TOPBP1: variants seen among roughly 807,000 people sequenced by gnomAD.
TOPBP1 encodes DNA topoisomerase 2-binding protein 1.
In TOPBP1, 28 loss-of-function variants were observed where a neutral mutation model predicts 167.7. The ratio of observed to expected loss-of-function variants is 0.17; its 90% confidence interval spans 0.12 to 0.23. The LOEUF (loss-of-function observed/expected upper bound fraction) is 0.23. Among genes scored for constraint, TOPBP1 ranks in the 10% least tolerant of loss-of-function variants. TOPBP1 has a pLI of 1.00. For missense variants in TOPBP1, 1,554 were observed against 1,809.6 expected, an observed-to-expected ratio of 0.86 and a Z score of 2.56; for synonymous variants, 598 against 611.4, an observed-to-expected ratio of 0.98 and a Z score of 0.32.
At chr3:133,631,447 T>G (rs1016358359) in intron 14 of TOPBP1, among the ~76,000 whole-genome samples, 4 of 152,154 alleles carry the variant, frequency 2.6e-5, no homozygotes, top group Non-Finnish European at 5.9e-5. Context: ...CAATTATACT[T>G]TTCAGATTTT....
Position 133,659,047 on chromosome 3 carries a change from A to T in TOPBP1, c.188T>A (p.Phe63Tyr), listed in dbSNP as rs765628531. 13 of 1,600,612 alleles carry T rather than the reference A, an allele frequency of 8.1e-6. No individual in the cohort carries two copies. In the African/African-American group the frequency reaches 1.3e-4, roughly 16 times the overall value. ...GAGGTGATCAAAGACAACGCCACTAAAAGGGTCACAGATATAAAGTGATCT... is the reference window on the plus strand; with the variant it reads ...GAGGTGATCAAAGACAACGCCACTATAAGGGTCACAGATATAAAGTGATCT... ...NDRSLYICDP[F>Y]SGVVFDHLKK... The change falls in exon 3 of 28, where the codon TTT becomes TAT. Residue 63 changes from phenylalanine (F) to tyrosine (Y), a missense_variant. Phe to Tyr is a conservative substitution (Grantham distance 22). Around this residue, in one of 3 missense-constraint regions of TOPBP1, gnomAD observed 1,197 missense variants for 1,351.5 expected, o/e 0.89. Transcript: ENST00000260810.
At chr3:133,612,211 T>C (rs552574465) in intron 24 of TOPBP1, among the ~76,000 whole-genome samples, 178 bp downstream of exon 24, 102 of 152,146 alleles carry the variant, frequency 6.7e-4, no homozygotes, top group African/African-American at 2.3e-3. Flanking sequence ...CTGGCTAATC[T>C]TTGTAGTTTT....
Position 133,611,254 on chromosome 3 carries a change from A to G in TOPBP1, c.4036-113T>C, listed in dbSNP as rs115603618. On this transcript the variant is annotated intron_variant, in intron 24 of 27. Transcript: ENST00000260810. ...AATAACTGTTAAAGCTATACATTTA[A>G]TTGTTACAAATACAGACAGTACTAA... The G allele has an allele frequency of 1.3e-3, 1,205 of 892,758 alleles. 9 individuals are homozygous for G. In the African/African-American group the frequency reaches 0.018, roughly 13 times the overall value. The allele number at this position is 892,758 out of a possible 1,614,324, so 55.3% of individuals were successfully genotyped here. A position where few individuals can be genotyped will look rare whatever the true frequency, so the allele number is the denominator to read the frequency against.
chr3:133,656,972 A>G, intron 4 of TOPBP1, 115 bp from the exon 5 acceptor site: 3 of 924,162 alleles, frequency 3.2e-6, no homozygotes, highest in Admixed American at 3.1e-5. Context: ...TAAGTGTTAC[A>G]TAACATTATA....
chr3:133,650,746 T>C (rs1166623862), intron 8 of TOPBP1, among the ~76,000 whole-genome samples: 1 of 152,214 alleles, frequency 6.6e-6, no homozygotes, highest in Non-Finnish European at 1.5e-5. Flanking sequence ...TGGAATCATA[T>C]ACTTTCTATA....
chr3:133,622,183 A>ATTTT (rs1435047690), intron 19 of TOPBP1, among the ~76,000 whole-genome samples: 6 of 79,572 alleles, frequency 7.5e-5, no homozygotes, highest in African/African-American at 1.1e-4. Context: ...TCCACCATTT[A>ATTTT]TGTTTTTTTT....
intron 14 of TOPBP1, among the ~76,000 whole-genome samples, chr3:133,635,139 A>G (rs1175299519): frequency 6.6e-6 from 1 of 152,204 alleles, no homozygotes; most frequent in Non-Finnish European, 1.5e-5. Context: ...AACTTTTTGT[A>G]GATGTGGGGT....
chr3:133,619,649 C>A (rs547586424), intron 20 of TOPBP1, among the ~76,000 whole-genome samples: 42 of 152,302 alleles, frequency 2.8e-4, no homozygotes, highest in Admixed American at 4.6e-4. Context: ...TATATATGTA[C>A]TTATTGTTTA....
chr3:133,648,074 A>G (rs1314173114), intron 10 of TOPBP1, among the ~76,000 whole-genome samples: 1 of 152,232 alleles, frequency 6.6e-6, no homozygotes, highest in Non-Finnish European at 1.5e-5. Context: ...AAAAACCAAA[A>G]GGAAGACTAT....
intron 23 of TOPBP1, among the ~76,000 whole-genome samples, chr3:133,612,802 A>G (rs1934725265): frequency 6.6e-6 from 1 of 152,072 alleles, no homozygotes; most frequent in African/African-American, 2.4e-5. Flanking sequence ...TATACTAGCT[A>G]CCTATATTCT....
chr3:133,657,520 A>G (rs1388592603), intron 4 of TOPBP1, among the ~76,000 whole-genome samples: 6 of 151,878 alleles, frequency 4.0e-5, no homozygotes, highest in African/African-American at 1.5e-4. Flanking sequence ...CTGTCCACCT[A>G]TAGTGGAAAA....
intron 4 of TOPBP1, among the ~76,000 whole-genome samples, chr3:133,657,247 G>A (rs781269511): frequency 2.6e-5 from 4 of 151,680 alleles, no homozygotes; most frequent in Non-Finnish European, 5.9e-5. Flanking sequence ...GGGAGGCTGA[G>A]GCATGAAGAT....
rs901651096 is a variant in TOPBP1, at chr3:133,612,766, A to C, written c.3872-214T>G. ...GAACATTTTAAATACAAAAGTAAAT[A>C]AAATAGTAAAATGAACCCCCACACA... On this transcript the variant is annotated intron_variant, in intron 23 of 27. Coordinates refer to ENST00000260810, the MANE Select transcript of TOPBP1 (RefSeq NM_007027.4). Among the ~76,000 whole-genome samples the C allele has an allele frequency of 4.6e-5, 7 of 152,096 alleles. 1 individual carries two copies. Among genetic ancestry groups the C allele is most frequent in the Non-Finnish European group, 7.4e-5 (5 of 68,016 alleles).
chr3:133,645,326 G>C (rs1164802002), intron 10 of TOPBP1, among the ~76,000 whole-genome samples: 4 of 152,100 alleles, frequency 2.6e-5, no homozygotes, highest in Admixed American at 6.5e-5. Context: ...CAGTAAGTCA[G>C]GAGAGCTGGG....
chr3:133,632,102 T>C (rs1483082104), intron 14 of TOPBP1, among the ~76,000 whole-genome samples: 18 of 152,048 alleles, frequency 1.2e-4, no homozygotes, highest in Admixed American at 1.2e-3. Flanking sequence ...ACTGAGTCAA[T>C]TAAACCTCTT....
chr3:133,640,101 C>T lies in TOPBP1; in HGVS notation c.2091G>A (p.Leu697=). 6.2e-7 allele frequency: 1 copy of T among 1,613,798 alleles called. No individual in the cohort carries two copies. Reference sequence around the variant, plus strand: ...CATATTTAGAGCCACCACGTTCTTTCAGTATAAGATGAGTACTGGCAAACA... The same window carrying T: ...CATATTTAGAGCCACCACGTTCTTTTAGTATAAGATGAGTACTGGCAAACA... ...KGMFASTHLI[L]KERGGSKYEA... Residue 697 remains leucine, a synonymous_variant, in exon 13 of 28, where the codon CTG becomes CTA. Transcript: ENST00000260810.
intron 4 of TOPBP1, 95 bp from the exon 5 acceptor site, chr3:133,656,952 T>C (rs931821728): frequency 8.9e-7 from 1 of 1,125,640 alleles, no homozygotes; most frequent in Non-Finnish European, 1.2e-6. Flanking sequence ...CTGTTGACAG[T>C]TTGAATACAT....
chr3:133,656,642 TCAAA>T, intron 5 of TOPBP1, 30 bp downstream of exon 5: 1 of 1,542,896 alleles, frequency 6.5e-7, no homozygotes, highest in Non-Finnish European at 8.7e-7. Context: ...CATCATTTTT[TCAAA>T]TCTAGAAAAT....
intron 24 of TOPBP1, among the ~76,000 whole-genome samples, chr3:133,611,639 C>A (rs1459029658): frequency 2.6e-5 from 4 of 152,192 alleles, no homozygotes; most frequent in Admixed American, 6.5e-5. Flanking sequence ...TAAAGGTGAA[C>A]CTGGCTCTGC....
Sources: allele counts gnomAD v4.1 joint callset (sites outside exome capture counted in the v4.1 genomes callset), GRCh38; gene constraint gnomAD v4.1.1; regional missense constraint gnomAD v4.1.1; transcripts MANE v1.5; gene names NCBI Gene and HGNC (gene_info 2026-07-23, HGNC 2026-07-21).